Variants in GABRB1 observed in about 807,000 individuals in gnomAD.
GABRB1 encodes the protein gamma-aminobutyric acid type A receptor subunit beta1.
Under a neutral mutation model 51.6 loss-of-function variants are expected in GABRB1, and 17 were observed. The ratio of observed to expected loss-of-function variants is 0.33; its 90% CI spans 0.23 to 0.49. The LOEUF (loss-of-function observed/expected upper bound fraction) is 0.49. Among genes scored for constraint, GABRB1 ranks in the 20% least tolerant of loss-of-function variants. The pLI is 0.99. For synonymous variants in GABRB1, 247 were observed against 218.9 expected (o/e 1.13, Z -1.14); for missense variants, 410 against 600.6 (o/e 0.68, Z 3.32).
chr4:47,033,232 G>A (rs1560503968), intron 3 of GABRB1, among the ~76,000 whole-genome samples: 1 of 152,318 alleles, frequency 6.6e-6, no homozygotes, highest in East Asian at 1.9e-4. Flanking sequence ...GGGAGAGGGG[G>A]CGACAGTAAC....
At chr4:47,053,056 C>G (rs1726426025) in intron 3 of GABRB1, among the ~76,000 whole-genome samples, 1 of 152,164 alleles carries the variant, frequency 6.6e-6, no homozygotes. Flanking sequence ...TTGGGAACAA[C>G]TCCTGTGGGG....
intron 3 of GABRB1, among the ~76,000 whole-genome samples, chr4:47,123,705 AATATGATATATG>A (rs1715943975): frequency 6.1e-5 from 1 of 16,360 alleles, no homozygotes; most frequent in South Asian, 2.3e-3. Flanking sequence ...TTATATATAT[AATATGATATATG>A]ATATATGATA....
chr4:47,400,532 C>A (rs1009800007), intron 5 of GABRB1, among the ~76,000 whole-genome samples: 1 of 144,110 alleles, frequency 6.9e-6, no homozygotes, highest in Non-Finnish European at 1.5e-5. Flanking sequence ...GGTAGTCTCT[C>A]TCTCTCTCTC....
At chr4:47,295,198 T>C (rs567300207) in intron 4 of GABRB1, among the ~76,000 whole-genome samples, 1 of 151,924 alleles carries the variant, frequency 6.6e-6, no homozygotes, top group African/African-American at 2.4e-5. Context: ...AAAAGCAGAG[T>C]GCCTCTCCTC....
At position 47,313,098 on chromosome 4, in the gene GABRB1, C is replaced by T. The variant is rs145865749; in HGVS notation, c.462-7029C>T. On this transcript the variant is annotated intron_variant, in intron 4 of 8. Coordinates refer to ENST00000295454, the MANE Select transcript of GABRB1 (RefSeq NM_000812.4). ...AGACCATAGTTTCTAACTAATAGCC[C>T]ATTATAGTGTTCTGACCTAACTTTC... Among the ~76,000 whole-genome samples, 650 of 152,188 alleles carry T rather than the reference C, an allele frequency of 4.3e-3. 3 individuals are homozygous for T. Among genetic ancestry groups the T allele is most frequent in the Admixed American group, 7.3e-3 (111 of 15,272 alleles).
chr4:47,249,377 T>G lies in GABRB1; in HGVS notation c.462-70750T>G, dbSNP rs910166685. Among the ~76,000 whole-genome samples the G allele has an allele frequency of 5.3e-5, 8 of 152,158 alleles. 1 individual carries two copies. The South Asian group carries it at 6.2e-4, about 12-fold the overall frequency. On this transcript the variant is annotated intron_variant, in intron 4 of 8. Transcript: ENST00000295454. ...TTCCACTGTGACCTGAGAGAGTGCT[T>G]GATATAATTTCAATTTTCTTAAATT...
chr4:47,278,711 C>A (rs150464017), intron 4 of GABRB1, among the ~76,000 whole-genome samples: 1 of 152,272 alleles, frequency 6.6e-6, no homozygotes, highest in Non-Finnish European at 1.5e-5. Flanking sequence ...GAAAATATTT[C>A]TTTTCTCATG....
At chr4:47,234,699 GA>G (rs1201262532) in intron 4 of GABRB1, among the ~76,000 whole-genome samples, 2 of 152,114 alleles carry the variant, frequency 1.3e-5, no homozygotes, top group East Asian at 3.9e-4. Flanking sequence ...TGAAAAGGAA[GA>G]AAAAATTCTC....
intron 3 of GABRB1, among the ~76,000 whole-genome samples, chr4:47,132,004 G>C (rs951303780): frequency 2.0e-5 from 3 of 151,938 alleles, no homozygotes; most frequent in African/African-American, 4.8e-5. Flanking sequence ...CAGAAAGAAA[G>C]GTAGTTTAAT....
At chr4:47,023,877 C>T (rs531276206) in intron 1 of GABRB1, among the ~76,000 whole-genome samples, 7 of 151,868 alleles carry the variant, frequency 4.6e-5, no homozygotes, top group Non-Finnish European at 7.4e-5. Context: ...ATTCCGGGAA[C>T]ATTACTTTTA....
At chr4:47,341,387 T>A (rs1222049833) in intron 5 of GABRB1, among the ~76,000 whole-genome samples, 2 of 152,300 alleles carry the variant, frequency 1.3e-5, no homozygotes. Flanking sequence ...TTATATAACC[T>A]TTTGCACTTA....
chr4:47,353,314 T>A (rs1726430602), intron 5 of GABRB1, among the ~76,000 whole-genome samples: 1 of 152,182 alleles, frequency 6.6e-6, no homozygotes. Context: ...CATTTCAGTG[T>A]TTTCTCCATC....
At chr4:47,215,796 G>T (rs898164696) in intron 4 of GABRB1, among the ~76,000 whole-genome samples, 15 of 152,122 alleles carry the variant, frequency 9.9e-5, no homozygotes, top group African/African-American at 3.1e-4. Flanking sequence ...TATTCACAAT[G>T]TATAGATGCT....
chr4:47,242,801 G>T (rs1461657421), intron 4 of GABRB1, among the ~76,000 whole-genome samples: 1 of 152,072 alleles, frequency 6.6e-6, no homozygotes, highest in African/African-American at 2.4e-5. Flanking sequence ...TTGTCAGATG[G>T]GTAGATTGTA....
chr4:47,125,169 T>C (rs973764913), intron 3 of GABRB1, among the ~76,000 whole-genome samples: 2 of 152,058 alleles, frequency 1.3e-5, no homozygotes, highest in African/African-American at 4.8e-5. Context: ...GAGAATGGAA[T>C]GATATATACA....
chr4:47,205,248 A>G (rs7684997), intron 4 of GABRB1, among the ~76,000 whole-genome samples: 128,794 of 152,148 alleles, frequency 0.85, 54,490 homozygotes, highest in Middle Eastern at 0.92. Flanking sequence ...GAAAGAAGGC[A>G]CTAATATAAT....
chr4:47,307,039 G>A (rs1724497366), intron 4 of GABRB1, among the ~76,000 whole-genome samples: 1 of 152,068 alleles, frequency 6.6e-6, no homozygotes, highest in Non-Finnish European at 1.5e-5. Context: ...GTTTACCATG[G>A]TGGATGTATC....
intron 3 of GABRB1, among the ~76,000 whole-genome samples, chr4:47,154,652 G>A (rs1379491190): frequency 1.3e-5 from 2 of 152,004 alleles, no homozygotes; most frequent in Non-Finnish European, 2.9e-5. Flanking sequence ...ATAAAGATGG[G>A]AGCAAATTAG....
intron 4 of GABRB1, among the ~76,000 whole-genome samples, chr4:47,271,087 A>G (rs1722858444): frequency 1.3e-5 from 2 of 152,168 alleles, no homozygotes; most frequent in African/African-American, 4.8e-5. Context: ...TATTTTTCTG[A>G]CATGTCATCA....
Sources: gnomAD v4.1 joint callset for allele counts (sites outside exome capture counted in the v4.1 genomes callset) on GRCh38, gnomAD v4.1.1 for gene constraint, MANE v1.5 for transcripts, NCBI Gene and HGNC (gene_info 2026-07-23, HGNC 2026-07-21) for gene names.